The following KIAA1328 variants were observed in gnomAD, a reference collection of about 807,000 sequenced individuals.
KIAA1328 encodes protein hinderin.
KIAA1328 carries 52 observed loss-of-function variants against 68.1 expected under a neutral mutation model. That is an observed-to-expected ratio of 0.76 (90% CI 0.61 to 0.96). The LOEUF (loss-of-function observed/expected upper bound fraction) is 0.96, where lower values mean the gene tolerates loss of function less well. KIAA1328 is among the 40% of genes least tolerant of loss of function. The probability of loss-of-function intolerance (pLI) is 0.00; values close to 1 mark genes in which losing one functional copy is unlikely to be tolerated. For synonymous variants in KIAA1328, 232 were observed against 239.4 expected (o/e 0.97, Z 0.28); for missense variants, 641 against 677.6 (o/e 0.95, Z 0.60).
intron 5 of KIAA1328, among the ~76,000 whole-genome samples, chr18:36,909,571 T>C (rs1302197473): frequency 5.3e-5 from 8 of 152,184 alleles, no homozygotes; most frequent in Non-Finnish European, 1.5e-5. Context: ...TCTTTGCTAT[T>C]GTGAATAGTG....
chr18:36,854,063 A>G (rs2047305283), intron 4 of KIAA1328, among the ~76,000 whole-genome samples: 2 of 152,196 alleles, frequency 1.3e-5, no homozygotes. Flanking sequence ...ACAGGTCCTT[A>G]AAAGTGGTTA....
At chr18:37,089,535 C>T (rs772147231) in intron 7 of KIAA1328, among the ~76,000 whole-genome samples, 55 of 151,866 alleles carry the variant, frequency 3.6e-4, no homozygotes, top group Non-Finnish European at 5.7e-4. Context: ...CCGCCATGCC[C>T]GGCTAATTTT....
chr18:37,131,732 A>T (rs2058527011), intron 7 of KIAA1328, among the ~76,000 whole-genome samples: 2 of 151,992 alleles, frequency 1.3e-5, no homozygotes, highest in African/African-American at 4.8e-5. Flanking sequence ...TATATGAGGA[A>T]AAAAAAGACT....
intron 9 of KIAA1328, among the ~76,000 whole-genome samples, chr18:37,207,341 T>C (rs2060235144): frequency 1.3e-5 from 2 of 152,216 alleles, no homozygotes; most frequent in African/African-American, 4.8e-5. Flanking sequence ...GTTAGGTCGT[T>C]CCTGACTTTC....
At chr18:37,184,392 G>A (rs1441902007) in intron 9 of KIAA1328, among the ~76,000 whole-genome samples, 1 of 152,190 alleles carries the variant, frequency 6.6e-6, no homozygotes, top group Non-Finnish European at 1.5e-5. Flanking sequence ...GGAGTTAATT[G>A]CATAGACAAT....
chr18:37,112,851 A>C (rs568529169), intron 7 of KIAA1328, among the ~76,000 whole-genome samples: 2 of 152,186 alleles, frequency 1.3e-5, no homozygotes, highest in African/African-American at 4.8e-5. Context: ...CACAAACACT[A>C]CGTGATGCAT....
intron 8 of KIAA1328, among the ~76,000 whole-genome samples, chr18:37,162,627 A>G (rs2059305949): frequency 6.6e-6 from 1 of 152,180 alleles, no homozygotes; most frequent in Non-Finnish European, 1.5e-5. Flanking sequence ...AAGGCTGATG[A>G]CCTAGCACTA....
At chr18:37,025,114 T>C (rs1158223584) in intron 6 of KIAA1328, among the ~76,000 whole-genome samples, 1 of 152,194 alleles carries the variant, frequency 6.6e-6, no homozygotes, top group Non-Finnish European at 1.5e-5. Flanking sequence ...TGATTGAATT[T>C]CTCTGATGGC....
chr18:37,109,147 A>G (rs2057858802), intron 7 of KIAA1328, among the ~76,000 whole-genome samples: 1 of 152,206 alleles, frequency 6.6e-6, no homozygotes, highest in Admixed American at 6.5e-5. Context: ...CATGGTGTAT[A>G]TGTGCCACAT....
chr18:36,867,666 C>T (rs982643725), intron 4 of KIAA1328, among the ~76,000 whole-genome samples: 1 of 152,030 alleles, frequency 6.6e-6, no homozygotes, highest in Non-Finnish European at 1.5e-5. Flanking sequence ...GTGAGGTCCT[C>T]TTTAGTTAGT....
chr18:37,069,801 T>A (rs1293642907), intron 7 of KIAA1328, among the ~76,000 whole-genome samples: 1 of 152,140 alleles, frequency 6.6e-6, no homozygotes, highest in Non-Finnish European at 1.5e-5. Flanking sequence ...TTAGTTTTTG[T>A]TATTGTTTTT....
chr18:36,863,644 A>G (rs75017586), intron 4 of KIAA1328, among the ~76,000 whole-genome samples: 15 of 152,170 alleles, frequency 9.9e-5, no homozygotes, highest in African/African-American at 3.6e-4. Flanking sequence ...CTTCTCATCT[A>G]TGAACATGGT....
intron 9 of KIAA1328, among the ~76,000 whole-genome samples, chr18:37,190,582 T>C (rs2059887369): frequency 1.3e-5 from 2 of 152,188 alleles, no homozygotes; most frequent in South Asian, 4.2e-4. Flanking sequence ...GCAAACCACA[T>C]TTCTTCACCC....
chr18:36,830,544 A>G (rs1322074836), intron 1 of KIAA1328, among the ~76,000 whole-genome samples: 1 of 152,184 alleles, frequency 6.6e-6, no homozygotes, highest in Admixed American at 6.5e-5. Flanking sequence ...AGCTTATAGC[A>G]TCCTATGGTA....
intron 7 of KIAA1328, among the ~76,000 whole-genome samples, chr18:37,150,143 C>T (rs1255353481): frequency 6.6e-6 from 1 of 151,966 alleles, no homozygotes; most frequent in African/African-American, 2.4e-5. Context: ...AACTACACAC[C>T]CATCAAAACT....
chr18:37,211,815 G>A (rs954227327), intron 9 of KIAA1328, among the ~76,000 whole-genome samples: 7 of 152,124 alleles, frequency 4.6e-5, no homozygotes, highest in Admixed American at 4.6e-4. Flanking sequence ...ATATGTTGGT[G>A]CCTATTGTAT....
At chr18:36,914,119 C>T (rs758846136) in intron 5 of KIAA1328, among the ~76,000 whole-genome samples, 8 of 152,012 alleles carry the variant, frequency 5.3e-5, no homozygotes, top group Admixed American at 3.3e-4. Flanking sequence ...ATTCTTAGGG[C>T]GATTTGTGTG....
chr18:36,918,397 A>G (rs1425052677), intron 5 of KIAA1328, among the ~76,000 whole-genome samples: 1 of 144,620 alleles, frequency 6.9e-6, no homozygotes, highest in Non-Finnish European at 1.5e-5. Context: ...GCAAATGAAG[A>G]TCATTGTTTT....
intron 6 of KIAA1328, among the ~76,000 whole-genome samples, chr18:37,000,666 TAA>T (rs1491062866): frequency 8.6e-5 from 7 of 81,522 alleles, no homozygotes; most frequent in East Asian, 3.6e-4. Flanking sequence ...CACAATGGAA[TAA>T]GAAATGAAAT....
Sources: allele counts gnomAD v4.1 joint callset (sites outside exome capture counted in the v4.1 genomes callset), GRCh38; gene constraint gnomAD v4.1.1; transcripts MANE v1.5; gene names NCBI Gene and HGNC (gene_info 2026-07-23, HGNC 2026-07-21).